The following TOMT variants were observed in gnomAD, a reference collection of about 807,000 sequenced individuals.
TOMT encodes transmembrane O-methyltransferase.
Under a neutral mutation model 21.7 loss-of-function variants are expected in TOMT, and 23 were observed. The ratio of observed to expected loss-of-function variants is 1.06; its 90% CI spans 0.76 to 1.50. The LOEUF (loss-of-function observed/expected upper bound fraction) is 1.50. Ranked by LOEUF, TOMT falls within the 40% of genes most tolerant of loss-of-function variation. The pLI is 0.00. For missense variants in TOMT, 331 were observed against 348.7 expected (o/e 0.95, Z 0.41); for synonymous variants, 132 against 150.8 (o/e 0.88, Z 0.91).
chr11:72,109,216 A>G (rs1946078778), exon 3 of TOMT: 2 of 484,948 alleles, frequency 4.1e-6, no homozygotes, highest in Non-Finnish European at 7.8e-6. Flanking sequence ...AGTGACTCCA[A>G]GGGAATCCCC....
chr11:72,107,655 GAATCCCAAGTTC>G, intron 1 of TOMT: 1 of 620,830 alleles, frequency 1.6e-6, no homozygotes, highest in Non-Finnish European at 2.9e-6. Context: ...GCCAGGCTGA[GAATCCCAAGTTC>G]AATCCCAAAG....
At chr11:72,107,821 G>A in intron 1 of TOMT, 102 bp from the exon 2 acceptor site, 1 of 1,300,170 alleles carries the variant, frequency 7.7e-7, no homozygotes, top group Non-Finnish European at 1.1e-6. Context: ...GACCCCGGCT[G>A]GTTGGGAGCT....
exon 2 of TOMT, chr11:72,108,034 G>T (rs1591192192): frequency 6.4e-7 from 1 of 1,551,536 alleles, no homozygotes; most frequent in Middle Eastern, 1.7e-4. Flanking sequence ...CCCCCTGGGG[G>T]TCGCCTTCTT....
Position 72,107,774 on chromosome 11 carries a change from G to A in TOMT, c.260-149G>A. 4 of 783,466 alleles carry A rather than the reference G, an allele frequency of 5.1e-6. No homozygotes were observed. The Admixed American group carries it at 7.3e-5, about 14-fold the overall frequency. The allele number at this position is 783,466 out of a possible 1,614,324, so 48.5% of individuals were successfully genotyped here. ...ACTACACTGTAGGAGACGGGGACCA[G>A]GAGGGCAGCTGGGGCTATGGTACAA... On this transcript the variant is annotated intron_variant, in intron 1 of 2. Coordinates refer to ENST00000541899, the Ensembl canonical transcript of TOMT.
rs1484130955 is a variant in TOMT at position 72,108,595 on chromosome 11, A to C, written c.457-10A>C. ...CCCACCCTCACCTCCAGCTCCCCCTATCCCCACAGGTGGAGCTCATCGTGG... is the reference window on the plus strand; with the variant it reads ...CCCACCCTCACCTCCAGCTCCCCCTCTCCCCACAGGTGGAGCTCATCGTGG... On this transcript the variant is annotated splice_polypyrimidine_tract_variant and intron_variant, in intron 2 of 2. Coordinates refer to ENST00000541899, the Ensembl canonical transcript of TOMT. The C allele has an allele frequency of 6.9e-7, 1 of 1,441,920 alleles. No homozygotes were observed. Among genetic ancestry groups the C allele is most frequent in the Admixed American group, 2.7e-5 (1 of 36,798 alleles). The allele number at this position is 1,441,920 out of a possible 1,614,324, so 89.3% of individuals were successfully genotyped here.
intron 1 of TOMT, chr11:72,106,952 AAAAAAGAAAAAG>A (rs1318857804): frequency 6.5e-6 from 1 of 154,854 alleles, no homozygotes; most frequent in South Asian, 1.9e-4. Flanking sequence ...AAAAAAAAAA[AAAAAAGAAAAAG>A]AAAAGAAAAG....
rs1458835908 is a variant in TOMT, at chr11:72,107,988, T to C, written c.325T>C (p.Cys109Arg). 3 of 1,551,766 alleles carry C rather than the reference T, an allele frequency of 1.9e-6. No homozygotes were observed. In the East Asian group the frequency reaches 7.3e-5, roughly 38 times the overall value. The change falls in exon 2 of 3, where the codon TGT (cysteine) becomes CGT (arginine). Residue 109 changes from cysteine to arginine, a missense_variant. Cys to Arg is a radical substitution (Grantham distance 180, BLOSUM62 -3). Transcript: ENST00000541899. Reference sequence around the variant, plus strand: ...TTGTGTGCTGGAATTGGGAACCTACTGTGGATACTCTACCCTGCTTATTGC... The same window carrying C: ...TTGTGTGCTGGAATTGGGAACCTACCGTGGATACTCTACCCTGCTTATTGC...
exon 1 of TOMT, chr11:72,106,113 C>G: frequency 6.5e-7 from 1 of 1,547,508 alleles, no homozygotes; most frequent in Non-Finnish European, 8.7e-7. Flanking sequence ...GCTACGTGCT[C>G]ACCCATGCCC....
rs995845513 is a variant in TOMT at position 72,109,296 on chromosome 11, C to A, written c.*371C>A. On this transcript the variant is annotated 3_prime_UTR_variant, in exon 3 of 3. Coordinates refer to ENST00000541899, the Ensembl canonical transcript of TOMT. ...TGGATGGGAGAGCTCCAGGGGCCTC[C>A]CAGTTCTCGGCCTCAGAAAGCCTCC... 6.4e-6 allele frequency: 3 copies of A among 472,072 alleles called. No individual in the cohort carries two copies. The Admixed American group carries it at 7.1e-5, about 11-fold the overall frequency. The allele number at this position is 472,072 out of a possible 1,614,324, so 29.2% of individuals were successfully genotyped here. A position where few individuals can be genotyped will look rare whatever the true frequency, so the allele number is the denominator to read the frequency against.
chr11:72,108,671 C>A, exon 3 of TOMT: 1 of 1,532,696 alleles, frequency 6.5e-7, no homozygotes, highest in Non-Finnish European at 8.8e-7. Context: ...TCAGCTGAGT[C>A]GGGCAGACCT....
chr11:72,109,321 C>T (rs1030803490), exon 3 of TOMT: 2 of 468,908 alleles, frequency 4.3e-6, no homozygotes, highest in Non-Finnish European at 8.5e-6. Context: ...AGAAAGCCTC[C>T]CATCCTCAGC....
At chr11:72,108,666 T>G in exon 3 of TOMT, 1 of 1,529,516 alleles carries the variant, frequency 6.5e-7, no homozygotes, top group Non-Finnish European at 8.8e-7. Context: ...CAGTATCAGC[T>G]GAGTCGGGCA....
intron 1 of TOMT, chr11:72,106,844 G>C (rs901389486): frequency 6.6e-6 from 1 of 152,514 alleles, no homozygotes; most frequent in Non-Finnish European, 1.5e-5. Context: ...GGGAGGCTGA[G>C]GTGGGAGGAT....
chr11:72,108,493 C>T, intron 2 of TOMT, 112 bp from the exon 3 acceptor site: 2 of 913,166 alleles, frequency 2.2e-6, no homozygotes, highest in Non-Finnish European at 1.6e-6. Context: ...TGTGAGAACA[C>T]TCATGGGAAG....
exon 3 of TOMT, chr11:72,108,861 G>A: frequency 2.6e-6 from 4 of 1,550,416 alleles, no homozygotes; most frequent in Non-Finnish European, 3.5e-6. Flanking sequence ...CACCACACTG[G>A]CCTTCCAGAC....
exon 2 of TOMT, chr11:72,108,006 C>T: frequency 6.4e-7 from 1 of 1,551,724 alleles, no homozygotes; most frequent in Non-Finnish European, 8.7e-7. Context: ...CTCTACCCTG[C>T]TTATTGCCCG....
chr11:72,107,206 G>A lies in TOMT; in HGVS notation c.260-717G>A, dbSNP rs149678276. 478 of 538,904 alleles carry A rather than the reference G, an allele frequency of 8.9e-4. 2 individuals carry two copies. The highest frequency in any genetic ancestry group is 8.8e-3 in the African/African-American group (451 of 51,432). The allele number at this position is 538,904 out of a possible 1,614,324, so 33.4% of individuals were successfully genotyped here. ...TGCCTGAGCCTGGGTGGTCAAGGCT[G>A]CAGTGAGCCGTGATCATGCTACTGC... On this transcript the variant is annotated intron_variant, in intron 1 of 2. Transcript: ENST00000541899.
exon 3 of TOMT, chr11:72,108,959 C>T (rs1946036722): frequency 4.3e-6 from 6 of 1,383,642 alleles, no homozygotes; most frequent in East Asian, 2.9e-5. Flanking sequence ...TGATGCCCAC[C>T]CCCACCCCCA....
exon 1 of TOMT, chr11:72,106,126 C>T (rs997847456): frequency 1.9e-6 from 3 of 1,544,916 alleles, no homozygotes; most frequent in Admixed American, 3.9e-5. Context: ...CCATGCCCTG[C>T]CCGGTGACCC....
Sources: allele counts gnomAD v4.1 joint callset, GRCh38; gene constraint gnomAD v4.1.1; transcripts MANE v1.5; gene names NCBI Gene and HGNC (gene_info 2026-07-23, HGNC 2026-07-21).